Variants in LSM3 observed in about 807,000 individuals in gnomAD.
LSM3 encodes the protein LSM3 homolog, U6 small nuclear RNA and mRNA degradation associated.
LSM3 carries 14 observed loss-of-function variants against 15.4 expected under a neutral mutation model. The ratio of observed to expected loss-of-function variants is 0.91; its 90% CI spans 0.60 to 1.42. The LOEUF is 1.42. Ranked by LOEUF, LSM3 falls within the 40% of genes most tolerant of loss-of-function variation. The probability of loss-of-function intolerance (pLI) is 0.00; values close to 1 mark genes in which losing one functional copy is unlikely to be tolerated. For synonymous variants in LSM3, 46 were observed against 45.1 expected, an observed-to-expected ratio of 1.02 and a Z score of -0.08; for missense variants, 88 against 127.9, an observed-to-expected ratio of 0.69 and a Z score of 1.50.
intron 1 of LSM3, among the ~76,000 whole-genome samples, chr3:14,179,330 A>G (rs1225015012): frequency 6.6e-6 from 1 of 152,242 alleles, no homozygotes; most frequent in Admixed American, 6.5e-5. Context: ...TGGAGCTTAT[A>G]TTTGCGAGGA....
In LSM3 at chr3:14,199,233, G is replaced by C. The variant is rs531462937; in HGVS notation, c.*1117G>C. On this transcript the variant is annotated 3_prime_UTR_variant, in exon 4 of 4. Transcript: ENST00000306024. ...CAGTGACACAGTAAAGCAGAAATTG[G>C]CTGAAAGCAAAGCTGTTTTTATTTC... The C allele has an allele frequency of 6.6e-6, 1 of 152,326 alleles. No homozygotes were observed. The highest frequency in any genetic ancestry group is 2.1e-4 in the South Asian group (1 of 4,820). 9.4% of individuals were successfully genotyped at this position (152,326 alleles called of 1,614,324 possible). A position where few individuals can be genotyped will look rare whatever the true frequency, so the allele number is the denominator to read the frequency against.
At position 14,198,416 on chromosome 3, in the gene LSM3, G is replaced by T; in HGVS notation, c.*300G>T. ...ACTGATTTTTCTTTTCTTTAAATTG[G>T]TGTTTCCTTGTAGATTTTTTTAAGT... On this transcript the variant is annotated 3_prime_UTR_variant, in exon 4 of 4. Transcript: ENST00000306024. The T allele has an allele frequency of 2.9e-6, 1 of 343,068 alleles. No individual in the cohort carries two copies. Among genetic ancestry groups the T allele is most frequent in the Non-Finnish European group, 5.3e-6 (1 of 189,220 alleles). 21.3% of individuals were successfully genotyped at this position (343,068 alleles called of 1,614,324 possible). A position where few individuals can be genotyped will look rare whatever the true frequency, so the allele number is the denominator to read the frequency against.
chr3:14,184,014 A>G lies in LSM3; in HGVS notation c.210A>G (p.Thr70=). ...CTACTATAGAAATTGATGAAGAAAC[A>G]TATGAAGAGATATATAAAGTAAGTC... ...TVTTIEIDEE[T]YEEIYKSTKR... The change falls in exon 3 of 4, where the codon ACA becomes ACG. Residue 70 remains threonine (T), a synonymous_variant. Coordinates refer to ENST00000306024, the MANE Select transcript of LSM3 (RefSeq NM_014463.3). 1 of 1,607,850 alleles carries G rather than the reference A, an allele frequency of 6.2e-7. No homozygotes were observed. The highest frequency in any genetic ancestry group is 1.7e-5 in the Admixed American group (1 of 58,938).
Position 14,178,899 on chromosome 3 carries a change from A to G in LSM3, c.21+18A>G, listed in dbSNP as rs774224855. On this transcript the variant is annotated intron_variant, in intron 1 of 3. Transcript: ENST00000306024. ...TAGACCAGGTAAGTGTATTTTAAGG[A>G]GGTCGCTCGAAGGAGCTTCTTGTAC... 1.9e-6 allele frequency: 3 copies of G among 1,613,940 alleles called. No individual in the cohort carries two copies. The South Asian group carries it at 3.3e-5, about 18-fold the overall frequency.
chr3:14,192,131 A>G (rs186725430), intron 3 of LSM3, among the ~76,000 whole-genome samples: 62 of 152,226 alleles, frequency 4.1e-4, no homozygotes, highest in Middle Eastern at 3.4e-3. Flanking sequence ...TTTGATTGCA[A>G]TGTGGTCTGA....
chr3:14,184,080 C>T (rs1485731120), intron 3 of LSM3, 48 bp downstream of exon 3: 1 of 1,566,078 alleles, frequency 6.4e-7, no homozygotes, highest in African/African-American at 1.4e-5. Flanking sequence ...CAGCTGTTCT[C>T]TCTCGAACAG....
intron 1 of LSM3, among the ~76,000 whole-genome samples, 188 bp downstream of exon 1, chr3:14,179,069 A>C (rs1377452119): frequency 6.6e-6 from 1 of 152,114 alleles, no homozygotes; most frequent in Non-Finnish European, 1.5e-5. Flanking sequence ...TTAGAAGCCC[A>C]CCTGATGACT....
chr3:14,179,173 A>G (rs1696980897), intron 1 of LSM3, among the ~76,000 whole-genome samples: 1 of 152,216 alleles, frequency 6.6e-6, no homozygotes, highest in Admixed American at 6.5e-5. Flanking sequence ...AAAGCCAGGT[A>G]ATAAAGTTAG....
intron 2 of LSM3, 55 bp downstream of exon 2, chr3:14,181,725 C>T: frequency 7.8e-7 from 1 of 1,276,532 alleles, no homozygotes; most frequent in East Asian, 2.3e-5. Context: ...CCCCCACTCC[C>T]TTGAAATGTA....
intron 3 of LSM3, among the ~76,000 whole-genome samples, chr3:14,196,459 A>T (rs1438612375): frequency 1.3e-5 from 2 of 152,212 alleles, no homozygotes; most frequent in Non-Finnish European, 2.9e-5. Flanking sequence ...TCCCCAAAGA[A>T]GATGAATAAT....
chr3:14,179,247 C>T (rs930730021), intron 1 of LSM3, among the ~76,000 whole-genome samples: 11 of 152,180 alleles, frequency 7.2e-5, no homozygotes, highest in African/African-American at 2.7e-4. Flanking sequence ...TGAACATCAG[C>T]TTTGTATGGT....
chr3:14,187,865 T>G (rs981137802), intron 3 of LSM3, among the ~76,000 whole-genome samples: 9 of 152,222 alleles, frequency 5.9e-5, no homozygotes, highest in Admixed American at 5.9e-4. Flanking sequence ...CCTCCATAAT[T>G]GGAGTTTCCA....
intron 3 of LSM3, among the ~76,000 whole-genome samples, chr3:14,191,416 AC>A (rs1252423130): frequency 6.6e-6 from 1 of 152,070 alleles, no homozygotes; most frequent in Non-Finnish European, 1.5e-5. Flanking sequence ...CTGGTCCTGG[AC>A]TTTTTTTGGT....
chr3:14,188,161 T>G (rs1288059822), intron 3 of LSM3, among the ~76,000 whole-genome samples: 1 of 152,216 alleles, frequency 6.6e-6, no homozygotes, highest in African/African-American at 2.4e-5. Flanking sequence ...TTACAGGAGC[T>G]ATGAGCCACA....
At chr3:14,185,380 A>G (rs559752115) in intron 3 of LSM3, among the ~76,000 whole-genome samples, 2 of 151,832 alleles carry the variant, frequency 1.3e-5, no homozygotes, top group African/African-American at 4.8e-5. Flanking sequence ...ACAAAAAAAA[A>G]CCTATCACGT....
chr3:14,180,821 CTTTTTTTTTTTTTTTTT>C (rs1164090236), intron 1 of LSM3, among the ~76,000 whole-genome samples: 72 of 46,772 alleles, frequency 1.5e-3, no homozygotes, highest in East Asian at 3.3e-3. Context: ...GCTTGCTTGC[CTTTTTTTTTTTTTTTTT>C]TTTTTTTTTT....
intron 3 of LSM3, among the ~76,000 whole-genome samples, chr3:14,185,525 A>G (rs1027194894): frequency 6.6e-6 from 1 of 152,238 alleles, no homozygotes; most frequent in Non-Finnish European, 1.5e-5. Flanking sequence ...AGATTCTCAT[A>G]TCTTTTTTCT....
intron 3 of LSM3, among the ~76,000 whole-genome samples, chr3:14,195,445 CA>C (rs1286793814): frequency 7.8e-6 from 1 of 128,346 alleles, no homozygotes; most frequent in Non-Finnish European, 1.8e-5. Flanking sequence ...TACCTGTGAG[CA>C]AAGGGCTTTA....
intron 3 of LSM3, among the ~76,000 whole-genome samples, chr3:14,197,340 C>T (rs1420018567): frequency 6.6e-6 from 1 of 152,226 alleles, no homozygotes; most frequent in Non-Finnish European, 1.5e-5. Context: ...TTAGGAGCCC[C>T]TTGGGCTACA....
Sources: gnomAD v4.1 joint callset for allele counts (sites outside exome capture counted in the v4.1 genomes callset) on GRCh38, gnomAD v4.1.1 for gene constraint, MANE v1.5 for transcripts, NCBI Gene and HGNC (gene_info 2026-07-23, HGNC 2026-07-21) for gene names.